The following HPSE2 variants were observed in gnomAD, a reference collection of about 807,000 sequenced individuals.
HPSE2 encodes the protein heparanase 2 (inactive).
HPSE2 carries 38 observed loss-of-function variants against 60.5 expected under a neutral mutation model. The observed-to-expected ratio is 0.63, with a 90% CI of 0.48 to 0.82. HPSE2 has a LOEUF of 0.82. HPSE2 is among the 40% of genes least tolerant of loss of function. HPSE2 has a pLI of 0.00. For synonymous variants in HPSE2, 295 were observed against 293.2 expected (o/e 1.01, Z -0.06); for missense variants, 713 against 740.4 (o/e 0.96, Z 0.43).
chr10:98,695,015 T>A (rs763986417), intron 5 of HPSE2, among the ~76,000 whole-genome samples: 25 of 152,342 alleles, frequency 1.6e-4, no homozygotes, highest in African/African-American at 6.0e-4. Flanking sequence ...TACCCCAGCA[T>A]AATCTTGCAA....
chr10:98,799,842 A>G (rs896157493), intron 3 of HPSE2, among the ~76,000 whole-genome samples: 15 of 152,216 alleles, frequency 9.9e-5, no homozygotes, highest in Non-Finnish European at 1.9e-4. Context: ...AAAAACTTCA[A>G]TTAAAAAAAC....
intron 6 of HPSE2, among the ~76,000 whole-genome samples, chr10:98,672,852 GAA>G (rs531391600): frequency 6.7e-6 from 1 of 150,336 alleles, no homozygotes; most frequent in Non-Finnish European, 1.5e-5. Flanking sequence ...AATTTTTCCA[GAA>G]AAAAAAAGAT....
intron 3 of HPSE2, among the ~76,000 whole-genome samples, chr10:98,829,485 C>T (rs1951631363): frequency 6.6e-6 from 1 of 151,870 alleles, no homozygotes; most frequent in African/African-American, 2.4e-5. Flanking sequence ...CATGCCACTC[C>T]ACTCCAGCCT....
intron 3 of HPSE2, among the ~76,000 whole-genome samples, chr10:99,041,678 C>T (rs779112333): frequency 7.2e-5 from 11 of 152,142 alleles, no homozygotes; most frequent in Non-Finnish European, 1.3e-4. Flanking sequence ...GAGGAGTGCA[C>T]GGATTGCAGG....
chr10:98,749,947 T>TATATATACACAC, intron 3 of HPSE2, among the ~76,000 whole-genome samples: 2 of 98,480 alleles, frequency 2.0e-5, no homozygotes, highest in Non-Finnish European at 4.3e-5. Flanking sequence ...TATATATATA[T>TATATATACACAC]ACACACACAC....
intron 6 of HPSE2, among the ~76,000 whole-genome samples, chr10:98,665,184 G>A (rs1398470697): frequency 2.0e-5 from 3 of 152,138 alleles, no homozygotes; most frequent in African/African-American, 4.8e-5. Flanking sequence ...AAACCAAGCT[G>A]AGGAAACTCT....
At chr10:99,264,078 C>CT in the HPSE2 span, among the ~76,000 whole-genome samples, 1 of 151,878 alleles carries the variant, frequency 6.6e-6, no homozygotes, top group Non-Finnish European at 1.5e-5. Context: ...AGTTTCTTTT[C>CT]TTTTCTTTTT....
At chr10:98,462,557 C>CAGG (rs1940341332) in intron 11 of HPSE2, among the ~76,000 whole-genome samples, 2 of 152,200 alleles carry the variant, frequency 1.3e-5, no homozygotes, top group Admixed American at 1.3e-4. Flanking sequence ...CTCTGTGGTA[C>CAGG]TCACATTTTC....
chr10:98,963,020 A>G (rs1035325553), intron 3 of HPSE2, among the ~76,000 whole-genome samples: 3 of 152,174 alleles, frequency 2.0e-5, no homozygotes, highest in African/African-American at 7.2e-5. Context: ...GTTGAATTGA[A>G]AACTTGATTC....
At chr10:99,177,093 G>C (rs1847555550) in intron 2 of HPSE2, among the ~76,000 whole-genome samples, 1 of 152,060 alleles carries the variant, frequency 6.6e-6, no homozygotes, top group South Asian at 2.1e-4. Context: ...ACACCACCAG[G>C]TTTGCCTTAC....
chr10:98,575,802 A>G (rs937120428), intron 9 of HPSE2, among the ~76,000 whole-genome samples: 1 of 152,118 alleles, frequency 6.6e-6, no homozygotes, highest in African/African-American at 2.4e-5. Context: ...CACCATTTTT[A>G]ATTCCCCAGA....
At chr10:99,157,451 A>C (rs1471239154) in intron 2 of HPSE2, among the ~76,000 whole-genome samples, 5 of 95,556 alleles carry the variant, frequency 5.2e-5, no homozygotes, top group African/African-American at 1.8e-4. Context: ...AACGCCACAT[A>C]TCTACAACTA....
chr10:99,247,046 G>A, the HPSE2 span, among the ~76,000 whole-genome samples: 3 of 152,058 alleles, frequency 2.0e-5, no homozygotes, highest in Admixed American at 2.0e-4. Context: ...ATATAGTTCA[G>A]GACCCTAGTT....
At chr10:98,873,977 T>C (rs1406847711) in intron 3 of HPSE2, among the ~76,000 whole-genome samples, 1 of 152,110 alleles carries the variant, frequency 6.6e-6, no homozygotes, top group African/African-American at 2.4e-5. Flanking sequence ...TTTTGAGCTT[T>C]TTTTCATATG....
intron 3 of HPSE2, among the ~76,000 whole-genome samples, chr10:99,000,125 G>A (rs1460582387): frequency 6.6e-6 from 1 of 152,102 alleles, no homozygotes; most frequent in Non-Finnish European, 1.5e-5. Flanking sequence ...GGGAAAAAAA[G>A]GCAGTGTGAG....
chr10:99,281,388 C>T, the HPSE2 span, among the ~76,000 whole-genome samples: 3 of 151,336 alleles, frequency 2.0e-5, no homozygotes, highest in Admixed American at 6.6e-5. Context: ...TACTCTGCTA[C>T]CTCATTTGAG....
At chr10:98,675,459 C>T (rs372865706) in intron 6 of HPSE2, among the ~76,000 whole-genome samples, 76 of 151,924 alleles carry the variant, frequency 5.0e-4, no homozygotes, top group African/African-American at 1.8e-3. Context: ...AATCCCAGCA[C>T]AGGAGGGAGG....
chr10:99,074,889 A>G (rs892576463), intron 3 of HPSE2, among the ~76,000 whole-genome samples: 5 of 152,042 alleles, frequency 3.3e-5, no homozygotes, highest in Admixed American at 3.3e-4. Flanking sequence ...TGTGGTATCA[A>G]TTGTAATGTC....
chr10:99,224,161 T>C (rs1389903851), intron 2 of HPSE2, among the ~76,000 whole-genome samples: 1 of 152,020 alleles, frequency 6.6e-6, no homozygotes, highest in South Asian at 2.1e-4. Flanking sequence ...ATTTATTGAA[T>C]TGAGCAAAAT....
Sources: allele counts gnomAD v4.1 joint callset (sites outside exome capture counted in the v4.1 genomes callset), GRCh38; gene constraint gnomAD v4.1.1; transcripts MANE v1.5; gene names NCBI Gene and HGNC (gene_info 2026-07-23, HGNC 2026-07-21).